PCDHA6: variants seen among roughly 807,000 people sequenced by gnomAD.
The protein encoded by PCDHA6 is protocadherin alpha 6.
In PCDHA6, 55 loss-of-function variants were observed where a neutral mutation model predicts 60.3. The observed-to-expected ratio is 0.91, with a 90% CI of 0.73 to 1.14. PCDHA6 has a LOEUF of 1.14. Ranked by LOEUF, PCDHA6 falls within the 50% of genes most tolerant of loss-of-function variation. The probability of loss-of-function intolerance (pLI) is 0.00; values close to 1 mark genes in which losing one functional copy is unlikely to be tolerated. For missense variants in PCDHA6, 1,327 were observed against 1,256.5 expected, an observed-to-expected ratio of 1.06 and a Z score of -0.85; for synonymous variants, 652 against 557.9, an observed-to-expected ratio of 1.17 and a Z score of -2.38.
At chr5:140,953,092 G>A (rs141861684) in intron 1 of PCDHA6, among the ~76,000 whole-genome samples, 2 of 152,252 alleles carry the variant, frequency 1.3e-5, no homozygotes, top group South Asian at 2.1e-4. Context: ...ATTACAATTT[G>A]ACATGAGATT....
chr5:140,941,874 A>C (rs1554214738), intron 1 of PCDHA6, among the ~76,000 whole-genome samples: 1 of 152,222 alleles, frequency 6.6e-6, no homozygotes, highest in African/African-American at 2.4e-5. Context: ...GAGTTCTATC[A>C]CCAGTGACTA....
intron 1 of PCDHA6, among the ~76,000 whole-genome samples, chr5:140,952,415 C>T (rs138050953): frequency 7.9e-4 from 120 of 152,134 alleles, no homozygotes; most frequent in Admixed American, 1.6e-3. Context: ...TTTAATGTTC[C>T]GCAGATTCCT....
intron 1 of PCDHA6, among the ~76,000 whole-genome samples, chr5:140,894,303 A>G (rs1386163832): frequency 2.0e-5 from 3 of 151,922 alleles, no homozygotes; most frequent in Admixed American, 6.6e-5. Context: ...TTTCCTGGAA[A>G]GTTTTCTTAA....
intron 1 of PCDHA6, chr5:140,835,557 C>CG: frequency 5.0e-6 from 8 of 1,613,936 alleles, no homozygotes; most frequent in African/African-American, 1.3e-5. Context: ...CCTGACGCCC[C>CG]GCGTTCCCTT....
At chr5:140,933,133 G>T (rs782720038) in intron 1 of PCDHA6, among the ~76,000 whole-genome samples, 1 of 151,914 alleles carries the variant, frequency 6.6e-6, no homozygotes, top group Non-Finnish European at 1.5e-5. Context: ...AATAATAAAG[G>T]TAGATAGCCA....
At chr5:141,002,133 C>T (rs1172462824) in intron 3 of PCDHA6, among the ~76,000 whole-genome samples, 2 of 152,248 alleles carry the variant, frequency 1.3e-5, no homozygotes, top group African/African-American at 4.8e-5. Context: ...ATAGCCTTTG[C>T]CGGCTGCACT....
At chr5:140,929,690 C>A in intron 1 of PCDHA6, 1 of 278,482 alleles carries the variant, frequency 3.6e-6, no homozygotes, top group Non-Finnish European at 7.0e-6. Flanking sequence ...TAAGAGTCTG[C>A]TTTATATGAA....
intron 2 of PCDHA6, among the ~76,000 whole-genome samples, chr5:140,981,011 T>C (rs1363062809): frequency 6.6e-6 from 1 of 152,132 alleles, no homozygotes; most frequent in African/African-American, 2.4e-5. Flanking sequence ...CCAGGAACAC[T>C]TGAAGGCTGT....
intron 3 of PCDHA6, among the ~76,000 whole-genome samples, chr5:140,993,203 A>AT (rs200893072): frequency 0.015 from 2,264 of 152,198 alleles, 62 homozygotes; most frequent in African/African-American, 0.051. Flanking sequence ...ACTAAAGCTA[A>AT]TTTTTTTAGC....
intron 1 of PCDHA6, chr5:140,929,026 G>A: frequency 1.2e-6 from 2 of 1,614,176 alleles, no homozygotes; most frequent in Non-Finnish European, 1.7e-6. Context: ...CCAGAGCCCA[G>A]GCTGTTGCGC....
At chr5:141,000,210 A>G (rs1475631796) in intron 3 of PCDHA6, among the ~76,000 whole-genome samples, 3 of 151,622 alleles carry the variant, frequency 2.0e-5, no homozygotes, top group Non-Finnish European at 2.9e-5. Context: ...CACCTTCATT[A>G]TCAAATGCCT....
chr5:140,871,113 G>C, intron 1 of PCDHA6: 1 of 1,613,306 alleles, frequency 6.2e-7, no homozygotes. Flanking sequence ...CGTTGGTGGA[G>C]AGCGGACAGG....
chr5:140,927,225 G>A, intron 1 of PCDHA6: 2 of 1,614,112 alleles, frequency 1.2e-6, no homozygotes, highest in South Asian at 2.2e-5. Context: ...ACAAGATTCG[G>A]ATTCACGTCC....
intron 1 of PCDHA6, among the ~76,000 whole-genome samples, chr5:140,922,848 C>A (rs1345344826): frequency 6.6e-6 from 1 of 151,962 alleles, no homozygotes; most frequent in Non-Finnish European, 1.5e-5. Context: ...TCAAAGAGAC[C>A]AAATACATAG....
chr5:141,000,419 A>T (rs1394449061), intron 3 of PCDHA6, among the ~76,000 whole-genome samples: 972 of 60,664 alleles, frequency 0.016, 14 homozygotes, highest in African/African-American at 0.023. Flanking sequence ...ATATATATAT[A>T]TATTTTTTTT....
chr5:140,835,044 G>A lies in PCDHA6; in HGVS notation c.2394+4559G>A, dbSNP rs1554134705. ...CACGGCCACCGATGGAGGCAAACCC[G>A]AGCTGACTGGCACCGTTCAATTACT... On this transcript the variant is annotated intron_variant, in intron 1 of 3. Transcript: ENST00000529310. The A allele has an allele frequency of 1.7e-5, 21 of 1,263,874 alleles. 1 individual carries two copies. The highest frequency in any genetic ancestry group is 1.9e-5 in the Non-Finnish European group (18 of 927,706). 78.3% of individuals were successfully genotyped at this position (1,263,874 alleles called of 1,614,324 possible). A position where few individuals can be genotyped will look rare whatever the true frequency, so the allele number is the denominator to read the frequency against.
chr5:140,849,816 G>C (rs2150451582), intron 1 of PCDHA6: 2 of 1,598,578 alleles, frequency 1.3e-6, no homozygotes, highest in Admixed American at 1.7e-5. Context: ...CACGGCCAGG[G>C]TGTCTGTGGA....
intron 1 of PCDHA6, among the ~76,000 whole-genome samples, chr5:140,871,869 T>C (rs1230282991): frequency 6.6e-6 from 1 of 152,230 alleles, no homozygotes; most frequent in Non-Finnish European, 1.5e-5. Context: ...TATGGATTAT[T>C]TAAATTTGCT....
chr5:140,860,511 C>T (rs2046428748), intron 1 of PCDHA6: 2 of 152,066 alleles, frequency 1.3e-5, no homozygotes, highest in Non-Finnish European at 2.9e-5. Flanking sequence ...CAAGATAAAA[C>T]TCTTCATGGA....
Sources: allele counts gnomAD v4.1 joint callset (sites outside exome capture counted in the v4.1 genomes callset), GRCh38; gene constraint gnomAD v4.1.1; transcripts MANE v1.5; gene names NCBI Gene and HGNC (gene_info 2026-07-23, HGNC 2026-07-21).